The following REDIC1 variants were observed in gnomAD, a reference collection of about 807,000 sequenced individuals.
REDIC1 encodes the protein HEI10 Interacting Protein 1.
the REDIC1 span, among the ~76,000 whole-genome samples, chr12:39,844,082 C>A: frequency 2.6e-5 from 4 of 152,014 alleles, no homozygotes; most frequent in Non-Finnish European, 4.4e-5. Flanking sequence ...AACTCCTTTA[C>A]ATAAGCCTTA....
chr12:39,904,713 C>A, the REDIC1 span, among the ~76,000 whole-genome samples: 2 of 152,098 alleles, frequency 1.3e-5, no homozygotes, highest in East Asian at 3.9e-4. Flanking sequence ...TTGCTGCAAC[C>A]AAGTAAACTA....
At chr12:39,724,900 T>C in the REDIC1 span, among the ~76,000 whole-genome samples, 1 of 152,100 alleles carries the variant, frequency 6.6e-6, no homozygotes, top group Non-Finnish European at 1.5e-5. Flanking sequence ...ATATGTTTAA[T>C]TGAAGTATCA....
chr12:39,835,292 A>G, the REDIC1 span, among the ~76,000 whole-genome samples: 1 of 152,074 alleles, frequency 6.6e-6, no homozygotes, highest in Non-Finnish European at 1.5e-5. Context: ...CATGAAAGAA[A>G]AAGACAGAAA....
At chr12:39,777,986 AG>A in the REDIC1 span, among the ~76,000 whole-genome samples, 1 of 152,188 alleles carries the variant, frequency 6.6e-6, no homozygotes, top group African/African-American at 2.4e-5. Context: ...CTAAACTAAA[AG>A]AGCACCCTGT....
At chr12:39,854,842 C>T in the REDIC1 span, among the ~76,000 whole-genome samples, 1 of 152,192 alleles carries the variant, frequency 6.6e-6, no homozygotes, top group South Asian at 2.1e-4. Flanking sequence ...CGCTTTTGCA[C>T]AGTTCGCTGT....
chr12:39,695,669 G>T, the REDIC1 span, among the ~76,000 whole-genome samples: 9 of 152,190 alleles, frequency 5.9e-5, no homozygotes, highest in African/African-American at 2.2e-4. Flanking sequence ...CCTGGGGCCT[G>T]GGGGAACTTG....
At chr12:39,759,792 G>T in the REDIC1 span, 1 of 485,120 alleles carries the variant, frequency 2.1e-6, no homozygotes, top group Non-Finnish European at 3.7e-6. Flanking sequence ...ACACACATTT[G>T]CTTAAGAATT....
the REDIC1 span, among the ~76,000 whole-genome samples, chr12:39,836,246 C>G: frequency 3.3e-5 from 5 of 152,204 alleles, no homozygotes; most frequent in East Asian, 9.7e-4. Flanking sequence ...TGATGCTCCT[C>G]TACTGTGGGA....
chr12:39,876,929 T>C, the REDIC1 span, among the ~76,000 whole-genome samples: 1 of 152,190 alleles, frequency 6.6e-6, no homozygotes, highest in African/African-American at 2.4e-5. Context: ...GAGTAGTTTA[T>C]TGACTGTAAG....
chr12:39,664,253 G>A, the REDIC1 span, among the ~76,000 whole-genome samples: 6 of 141,968 alleles, frequency 4.2e-5, no homozygotes, highest in African/African-American at 1.6e-4. Flanking sequence ...AGGCCCTGGT[G>A]TGTGATGTTC....
At chr12:39,733,817 A>G in the REDIC1 span, among the ~76,000 whole-genome samples, 2 of 152,256 alleles carry the variant, frequency 1.3e-5, no homozygotes, top group African/African-American at 2.4e-5. Flanking sequence ...ATTTCAAGCC[A>G]GCGGATCTTA....
the REDIC1 span, among the ~76,000 whole-genome samples, chr12:39,695,217 CAGAG>C: frequency 6.6e-6 from 1 of 152,210 alleles, no homozygotes; most frequent in Middle Eastern, 3.4e-3. Context: ...TTGAAAAAAG[CAGAG>C]AGAAAAGTAA....
the REDIC1 span, chr12:39,907,726 G>A: frequency 6.6e-6 from 1 of 150,524 alleles, no homozygotes; most frequent in Admixed American, 6.8e-5. Context: ...TGTGAAACAG[G>A]AAGCTGTAAA....
the REDIC1 span, among the ~76,000 whole-genome samples, chr12:39,847,188 T>C: frequency 2.4e-4 from 37 of 152,152 alleles, no homozygotes; most frequent in African/African-American, 8.9e-4. Flanking sequence ...TGATTTGTAC[T>C]TCCTGCTGTC....
the REDIC1 span, among the ~76,000 whole-genome samples, chr12:39,680,202 A>G: frequency 6.6e-6 from 1 of 152,230 alleles, no homozygotes; most frequent in Non-Finnish European, 1.5e-5. Flanking sequence ...CAACCCAGAA[A>G]GTGGGAGAAA....
At chr12:39,653,545 CTTCTTCTTCTTCT>C in the REDIC1 span, among the ~76,000 whole-genome samples, 1 of 132,648 alleles carries the variant, frequency 7.5e-6, no homozygotes, top group South Asian at 2.4e-4. Context: ...TCTTTTTCTT[CTTCTTCTTCTTCT>C]TTCTTCTTCT....
chr12:39,767,888 C>T, the REDIC1 span, among the ~76,000 whole-genome samples: 1 of 152,038 alleles, frequency 6.6e-6, no homozygotes, highest in Non-Finnish European at 1.5e-5. Context: ...TGTTTGCTTC[C>T]CCTTCCTCCA....
the REDIC1 span, among the ~76,000 whole-genome samples, chr12:39,668,278 T>C: frequency 6.6e-6 from 1 of 152,210 alleles, no homozygotes; most frequent in Admixed American, 6.5e-5. Context: ...ACAAAATCTC[T>C]CAGCATTTGC....
chr12:39,649,184 A>G, the REDIC1 span, among the ~76,000 whole-genome samples: 1 of 151,924 alleles, frequency 6.6e-6, no homozygotes, highest in Non-Finnish European at 1.5e-5. Context: ...TATGCTTAAC[A>G]TGGTAAAAGA....
Sources: gnomAD v4.1 joint callset for allele counts (sites outside exome capture counted in the v4.1 genomes callset) on GRCh38, gnomAD v4.1.1 for gene constraint, MANE v1.5 for transcripts, NCBI Gene and HGNC (gene_info 2026-07-23, HGNC 2026-07-21) for gene names.